The following GJB2 variants were observed in gnomAD, a reference collection of about 807,000 sequenced individuals.
GJB2 encodes the protein gap junction protein beta 2.
GJB2 carries 30 observed loss-of-function variants against 16.0 expected under a neutral mutation model. The observed-to-expected ratio is 1.88, with a 90% CI of 1.41 to 2.55. The LOEUF is 2.55. Among genes scored for constraint, GJB2 ranks in the 30% most tolerant of loss-of-function variants. GJB2 has a pLI of 0.00. For missense variants in GJB2, 284 were observed against 289.7 expected (o/e 0.98, Z 0.14); for synonymous variants, 123 against 119.1 (o/e 1.03, Z -0.21).
Position 20,188,798 on chromosome 13 carries a change from C to A in GJB2, c.*103G>T, listed in dbSNP as rs1393151148. The A allele has an allele frequency of 1.1e-6, 1 of 926,898 alleles. No individual in the cohort carries two copies. Among genetic ancestry groups the A allele is most frequent in the Non-Finnish European group, 1.8e-6 (1 of 568,908 alleles). The allele number at this position is 926,898 out of a possible 1,614,324, so 57.4% of individuals were successfully genotyped here. ...AAATGGTTGCATTTAAGGTCAGAAT[C>A]TTTGTGTTGGGAAATGCTAGCGACT... On this transcript the variant is annotated 3_prime_UTR_variant, in exon 2 of 2. Transcript: ENST00000382848.
intron 1 of GJB2, among the ~76,000 whole-genome samples, chr13:20,192,031 C>T (rs1032985561): frequency 3.3e-5 from 5 of 152,232 alleles, no homozygotes; most frequent in African/African-American, 9.7e-5. Context: ...GTTAGGTGAG[C>T]GCTGTTCGGG....
rs1233933179 is a variant in GJB2, at chr13:20,188,191, AACAG to A, written c.*706_*709del. 6.6e-6 allele frequency: 1 copy of A among 152,306 alleles called. No homozygotes were observed. The highest frequency in any genetic ancestry group is 2.4e-5 in the African/African-American group (1 of 41,460). 9.4% of individuals were successfully genotyped at this position (152,306 alleles called of 1,614,324 possible). ...TAGGTGCTATGACCACAATGAATAC[AACAG>A]ACAGCCTCTCAGCTGTGCTGCAAAG... is the stretch of plus-strand genomic sequence containing the variant. On this transcript the variant is annotated 3_prime_UTR_variant, in exon 2 of 2. Coordinates refer to ENST00000382848, the MANE Select transcript of GJB2 (RefSeq NM_004004.6).
At chr13:20,191,302 A>C (rs1187327266) in intron 1 of GJB2, among the ~76,000 whole-genome samples, 1 of 151,968 alleles carries the variant, frequency 6.6e-6, no homozygotes, top group African/African-American at 2.4e-5. Flanking sequence ...CCCGAAGTAA[A>C]CTCTCTCCTG....
rs201895089 is a variant in GJB2, at chr13:20,189,605, T to G, written c.-22-2A>C. 7.0e-4 allele frequency: 1,122 copies of G among 1,608,054 alleles called. 2 individuals carry two copies. The highest frequency in any genetic ancestry group is 7.5e-4 in the Non-Finnish European group (886 of 1,174,856). ...ATCTTCTACTCTGGGCGGTTTGCTC[T>G]GGAAAAGACGAATGCACACAACACA... On this transcript the variant is annotated splice_acceptor_variant, in intron 1 of 1. Coordinates refer to ENST00000382848, the MANE Select transcript of GJB2 (RefSeq NM_004004.6). LOFTEE classifies it low-confidence loss of function (5UTR_SPLICE).
At chr13:20,191,395 A>C (rs1002228316) in intron 1 of GJB2, among the ~76,000 whole-genome samples, 1 of 152,218 alleles carries the variant, frequency 6.6e-6, no homozygotes, top group Non-Finnish European at 1.5e-5. Context: ...TGCCAAACCC[A>C]GGTCATACAC....
rs111033298 is a variant in GJB2, at chr13:20,189,198, G to A, written c.384C>T (p.Ile128=). ...IEEIKTQKVR[I]EGSLWWTYTS... ...TGTAGGTCCACCACAGGGAGCCTTC[G>A]ATGCGGACCTTCTGGGTTTTGATCT... The change falls in exon 2 of 2, where the codon ATC becomes ATT. Residue 128 remains isoleucine (I), a synonymous_variant. Coordinates refer to ENST00000382848, the MANE Select transcript of GJB2 (RefSeq NM_004004.6). The A allele has an allele frequency of 6.2e-7, 1 of 1,613,760 alleles. No individual in the cohort carries two copies. Among genetic ancestry groups the A allele is most frequent in the Non-Finnish European group, 8.5e-7 (1 of 1,179,990 alleles).
At chr13:20,190,026 A>G (rs1959067637) in intron 1 of GJB2, among the ~76,000 whole-genome samples, 1 of 152,266 alleles carries the variant, frequency 6.6e-6, no homozygotes. Context: ...AGCTGCATCC[A>G]TTTGCAGTCT....
chr13:20,190,564 T>C (rs753374830), intron 1 of GJB2, among the ~76,000 whole-genome samples: 1 of 152,226 alleles, frequency 6.6e-6, no homozygotes, highest in Non-Finnish European at 1.5e-5. Context: ...TGCATTGCAG[T>C]TCAGCGCTGA....
At position 20,187,483 on chromosome 13, in the gene GJB2, T is replaced by C. The variant is rs1959046315; in HGVS notation, c.*1418A>G. 6.6e-6 allele frequency: 1 copy of C among 152,318 alleles called. No individual in the cohort carries two copies. The highest frequency in any genetic ancestry group is 2.4e-5 in the African/African-American group (1 of 41,580). The allele number at this position is 152,318 out of a possible 1,614,324, so 9.4% of individuals were successfully genotyped here. ...TTAGATTTTAAATTATTATAGAGAT[T>C]ATATTTTAATGTTTTAAATGTATTT... On this transcript the variant is annotated 3_prime_UTR_variant, in exon 2 of 2. Transcript: ENST00000382848.
rs1055270632 is a variant in GJB2, at chr13:20,192,159, G to A, written c.-23+624C>T. 3.3e-5 allele frequency among the ~76,000 whole-genome samples: 5 copies of A among 152,164 alleles called. No individual in the cohort carries two copies. In the South Asian group the frequency reaches 8.3e-4, roughly 25 times the overall value. On this transcript the variant is annotated intron_variant, in intron 1 of 1. Coordinates refer to ENST00000382848, the MANE Select transcript of GJB2 (RefSeq NM_004004.6). Reference sequence around the variant, plus strand: ...AGGGTCCTAAAAATTTTCCTTCTAGGCGGGGAGCACAGCCCGGAAACAGAC... The same window carrying A: ...AGGGTCCTAAAAATTTTCCTTCTAGACGGGGAGCACAGCCCGGAAACAGAC...
At chr13:20,192,553 C>G (rs547507975) in intron 1 of GJB2, among the ~76,000 whole-genome samples, 1 of 151,876 alleles carries the variant, frequency 6.6e-6, no homozygotes, top group Admixed American at 6.5e-5. Context: ...CCCACTCGCA[C>G]CCCGGGCGGT....
chr13:20,191,952 C>T (rs1959078859), intron 1 of GJB2, among the ~76,000 whole-genome samples: 1 of 152,198 alleles, frequency 6.6e-6, no homozygotes, highest in Non-Finnish European at 1.5e-5. Context: ...CATGGGGACA[C>T]GGCCGTACCA....
rs995031937 is a variant in GJB2, at chr13:20,187,753, A to C, written c.*1148T>G. 2 of 152,194 alleles carry C rather than the reference A, an allele frequency of 1.3e-5. No homozygotes were observed. Among genetic ancestry groups the C allele is most frequent in the African/African-American group, 2.4e-5 (1 of 41,454 alleles). The allele number at this position is 152,194 out of a possible 1,614,324, so 9.4% of individuals were successfully genotyped here. A position where few individuals can be genotyped will look rare whatever the true frequency, so the allele number is the denominator to read the frequency against. ...ATTCTTTTCACATGTTATTAGCTATATTTTCACTTAAAAAATTGGAGGCTG... is the reference window on the plus strand; with the variant it reads ...ATTCTTTTCACATGTTATTAGCTATCTTTTCACTTAAAAAATTGGAGGCTG... On this transcript the variant is annotated 3_prime_UTR_variant, in exon 2 of 2. Coordinates refer to ENST00000382848, the MANE Select transcript of GJB2 (RefSeq NM_004004.6).
At position 20,187,834 on chromosome 13, in the gene GJB2, C is replaced by A. The variant is rs9237; in HGVS notation, c.*1067G>T. ...ACAAAGCTCATCTTTAATCAACAGA[C>A]TTTAGAGTCCAGTCTTTCCAAATCT... On this transcript the variant is annotated 3_prime_UTR_variant, in exon 2 of 2. Transcript: ENST00000382848. The A allele has an allele frequency of 0.87, 132,565 of 152,268 alleles. 58,617 individuals carry two copies. Among genetic ancestry groups the A allele is most frequent in the East Asian group, 1 (5,187 of 5,192 alleles). The allele number at this position is 152,268 out of a possible 1,614,324, so 9.4% of individuals were successfully genotyped here.
chr13:20,192,584 G>A (rs996748214), intron 1 of GJB2, among the ~76,000 whole-genome samples, 199 bp downstream of exon 1: 1 of 151,640 alleles, frequency 6.6e-6, no homozygotes, highest in Non-Finnish European at 1.5e-5. Flanking sequence ...CCACTTCCCC[G>A]GCCGCCCCAT....
At chr13:20,189,683 A>C in intron 1 of GJB2, 80 bp from the exon 2 acceptor site, 1 of 1,086,696 alleles carries the variant, frequency 9.2e-7, no homozygotes, top group Non-Finnish European at 1.4e-6. Context: ...TGGGTAAGCA[A>C]GCATGCTTAA....
At position 20,187,631 on chromosome 13, in the gene GJB2, G is replaced by C. The variant is rs950749711; in HGVS notation, c.*1270C>G. On this transcript the variant is annotated 3_prime_UTR_variant, in exon 2 of 2. Coordinates refer to ENST00000382848, the MANE Select transcript of GJB2 (RefSeq NM_004004.6). ...ATACTTACCCTCACTGAAATATGTGGAGTACCATTTTTTGGAAACCATGTC... is the reference window on the plus strand; with the variant it reads ...ATACTTACCCTCACTGAAATATGTGCAGTACCATTTTTTGGAAACCATGTC... 6.6e-6 allele frequency: 1 copy of C among 152,090 alleles called. No homozygotes were observed. The highest frequency in any genetic ancestry group is 6.6e-5 in the Admixed American group (1 of 15,264). 9.4% of individuals were successfully genotyped at this position (152,090 alleles called of 1,614,324 possible). A position where few individuals can be genotyped will look rare whatever the true frequency, so the allele number is the denominator to read the frequency against.
chr13:20,188,627 C>T lies in GJB2; in HGVS notation c.*274G>A. 1 of 510,698 alleles carries T rather than the reference C, an allele frequency of 2.0e-6. No homozygotes were observed. Among genetic ancestry groups the T allele is most frequent in the Non-Finnish European group, 3.5e-6 (1 of 285,196 alleles). 31.6% of individuals were successfully genotyped at this position (510,698 alleles called of 1,614,324 possible). On this transcript the variant is annotated 3_prime_UTR_variant, in exon 2 of 2. Transcript: ENST00000382848. ...ATATGAAAGTACCTTACACCAATAA[C>T]CCCTAACAGCCTGGGGTCTCAGTGG...
Position 20,189,341 on chromosome 13 carries a change from G to A in GJB2, c.241C>T (p.Leu81=), listed in dbSNP as rs145216882. ...AGCGCTGGCGTGGACACGAAGATCAGCTGCAGGGCCCATAGCCGGATGTGG... is the reference window on the plus strand; with the variant it reads ...AGCGCTGGCGTGGACACGAAGATCAACTGCAGGGCCCATAGCCGGATGTGG... ...ISHIRLWALQ[L]IFVSTPALLV... Residue 81 remains leucine (L), a synonymous_variant, in exon 2 of 2, where the codon CTG becomes TTG. Transcript: ENST00000382848. 1.9e-6 allele frequency: 3 copies of A among 1,614,146 alleles called. No individual in the cohort carries two copies. Among genetic ancestry groups the A allele is most frequent in the African/African-American group, 2.7e-5 (2 of 75,068 alleles).
Sources: allele counts gnomAD v4.1 joint callset (sites outside exome capture counted in the v4.1 genomes callset), GRCh38; gene constraint gnomAD v4.1.1; transcripts MANE v1.5; gene names NCBI Gene and HGNC (gene_info 2026-07-23, HGNC 2026-07-21).